NEMP2: variants seen among roughly 807,000 people sequenced by gnomAD.
NEMP2 encodes the protein UPF0571 transmembrane protein.
NEMP2 carries 53 observed loss-of-function variants against 54.2 expected under a neutral mutation model. The ratio of observed to expected loss-of-function variants is 0.98; its 90% confidence interval spans 0.78 to 1.23. The LOEUF (loss-of-function observed/expected upper bound fraction) is 1.23. NEMP2 is among the 50% of genes most tolerant of loss of function. The pLI is 0.00. For missense variants in NEMP2, 455 were observed against 511.3 expected, an observed-to-expected ratio of 0.89 and a Z score of 1.06; for synonymous variants, 197 against 190.3, an observed-to-expected ratio of 1.04 and a Z score of -0.29.
Position 190,514,324 on chromosome 2 carries a change from C to A in NEMP2, c.953+129G>T, listed in dbSNP as rs1222825792. 3 of 928,088 alleles carry A rather than the reference C, an allele frequency of 3.2e-6. No homozygotes were observed. The highest frequency in any genetic ancestry group is 3.3e-6 in the Non-Finnish European group (2 of 605,314). The allele number at this position is 928,088 out of a possible 1,614,324, so 57.5% of individuals were successfully genotyped here. On this transcript the variant is annotated intron_variant, in intron 7 of 8. Transcript: ENST00000409150. The surrounding 1 kb of genome is among the most constrained non-coding windows in gnomAD (Gnocchi z 5.7). The stretch of plus-strand genomic sequence containing the variant: ...AGCTCTCTACCCCTACACCCCCAAT[C>A]TTGCTCAGAATGAAATCTCCAGATC...
chr2:190,468,453 A>ATTT, the NEMP2 span, among the ~76,000 whole-genome samples: 18 of 140,030 alleles, frequency 1.3e-4, no homozygotes, highest in African/African-American at 1.8e-4. Flanking sequence ...ATAGGAATGA[A>ATTT]TTTTTTTTTT....
intron 4 of NEMP2, among the ~76,000 whole-genome samples, chr2:190,518,127 G>C (rs574450219): frequency 2.7e-4 from 41 of 152,186 alleles, no homozygotes; most frequent in Admixed American, 4.6e-4. Flanking sequence ...AATAGCTGAC[G>C]AGTGTTGGGT....
the NEMP2 span, chr2:190,436,051 AT>A: frequency 6.2e-7 from 1 of 1,613,024 alleles, no homozygotes; most frequent in Non-Finnish European, 8.5e-7. The surrounding 1 kb of genome is among the most constrained non-coding windows in gnomAD (Gnocchi z 5.3). Context: ...TAAAGTTGCT[AT>A]CTTAACGGAT....
At position 190,530,796 on chromosome 2, in the gene NEMP2, G is replaced by C. The variant is rs1386309651; in HGVS notation, c.97+3763C>G. Reference sequence around the variant, plus strand: ...GTCTGCGGGTTTCATTTATTCATGAGGCCCCAGTTATTGCTGGTTAATTCT... The same window carrying C: ...GTCTGCGGGTTTCATTTATTCATGACGCCCCAGTTATTGCTGGTTAATTCT... On this transcript the variant is annotated intron_variant, in intron 1 of 8. Transcript: ENST00000409150. This position sits in a 1 kb window ranked among gnomAD's most constrained non-coding sequence, Gnocchi z 4.6. Among the ~76,000 whole-genome samples, 1 of 152,160 alleles carries C rather than the reference G, an allele frequency of 6.6e-6. No homozygotes were observed. The highest frequency in any genetic ancestry group is 1.5e-5 in the Non-Finnish European group (1 of 68,028).
the NEMP2 span, among the ~76,000 whole-genome samples, chr2:190,446,332 C>T: frequency 6.8e-3 from 1,039 of 152,256 alleles, 11 homozygotes; most frequent in Middle Eastern, 0.024. Flanking sequence ...TCCAAGGCTG[C>T]ACAGTTTGGG....
At chr2:190,580,500 T>A in the NEMP2 span, among the ~76,000 whole-genome samples, 1 of 152,230 alleles carries the variant, frequency 6.6e-6, no homozygotes, top group Non-Finnish European at 1.5e-5. This position sits in a 1 kb window ranked among gnomAD's most constrained non-coding sequence, Gnocchi z 5.3. Flanking sequence ...CTCACACTTC[T>A]TAAAACATGA....
At chr2:190,431,055 A>C in the NEMP2 span, among the ~76,000 whole-genome samples, 1 of 132,660 alleles carries the variant, frequency 7.5e-6, no homozygotes, top group African/African-American at 2.9e-5. The surrounding 1 kb of genome is among the most constrained non-coding windows in gnomAD (Gnocchi z 4.4). Context: ...GGCGCTCCTC[A>C]CCTCCCAGAC....
At chr2:190,442,188 A>C in the NEMP2 span, among the ~76,000 whole-genome samples, 3 of 152,226 alleles carry the variant, frequency 2.0e-5, no homozygotes, top group African/African-American at 7.2e-5. Context: ...TAAATTTGGA[A>C]TTATGAATTC....
chr2:190,517,725 C>A, intron 4 of NEMP2, 112 bp from the exon 5 acceptor site: 1 of 748,102 alleles, frequency 1.3e-6, no homozygotes, highest in South Asian at 1.7e-5. Flanking sequence ...ACAGAAAACT[C>A]AGATGGCAGC....
chr2:190,546,742 A>G, the NEMP2 span, among the ~76,000 whole-genome samples: 1 of 152,110 alleles, frequency 6.6e-6, no homozygotes. This position sits in a 1 kb window ranked among gnomAD's most constrained non-coding sequence, Gnocchi z 5.1. Flanking sequence ...ATCTACCTGT[A>G]TTGTTGAGGT....
At chr2:190,577,706 C>T in the NEMP2 span, among the ~76,000 whole-genome samples, 1 of 151,996 alleles carries the variant, frequency 6.6e-6, no homozygotes, top group East Asian at 1.9e-4. This position sits in a 1 kb window ranked among gnomAD's most constrained non-coding sequence, Gnocchi z 4.8. Context: ...TGAAACCCCA[C>T]CTCTACTAAA....
chr2:190,481,466 G>A, the NEMP2 span, among the ~76,000 whole-genome samples: 41 of 152,224 alleles, frequency 2.7e-4, no homozygotes, highest in African/African-American at 9.6e-4. Flanking sequence ...GTAGACCACT[G>A]CCTACCCTGT....
the NEMP2 span, among the ~76,000 whole-genome samples, chr2:190,440,655 A>C: frequency 6.6e-6 from 1 of 152,196 alleles, no homozygotes; most frequent in Non-Finnish European, 1.5e-5. Context: ...ATTTGATTTA[A>C]ATTTATTTAC....
At chr2:190,473,453 C>G in the NEMP2 span, among the ~76,000 whole-genome samples, 3 of 152,178 alleles carry the variant, frequency 2.0e-5, no homozygotes, top group Middle Eastern at 3.4e-3. Flanking sequence ...TCTGATAAAA[C>G]AAACATCAGA....
the NEMP2 span, among the ~76,000 whole-genome samples, chr2:190,470,016 G>C: frequency 6.6e-6 from 1 of 152,180 alleles, no homozygotes; most frequent in Admixed American, 6.5e-5. Context: ...CAGGAGGGAT[G>C]GTTCCTTGGT....
the NEMP2 span, among the ~76,000 whole-genome samples, chr2:190,445,684 T>C: frequency 1.3e-5 from 2 of 152,166 alleles, no homozygotes; most frequent in African/African-American, 4.8e-5. Context: ...CATAAGGTCT[T>C]TTTCCTCTCC....
At chr2:190,436,744 G>A in the NEMP2 span, 3 of 1,614,166 alleles carry the variant, frequency 1.9e-6, no homozygotes, top group Middle Eastern at 1.6e-4. This position sits in a 1 kb window ranked among gnomAD's most constrained non-coding sequence, Gnocchi z 5.3. Flanking sequence ...CCGTATGATG[G>A]ACTTGACTTT....
the NEMP2 span, among the ~76,000 whole-genome samples, chr2:190,607,024 T>C: frequency 6.6e-6 from 1 of 152,074 alleles, no homozygotes; most frequent in African/African-American, 2.4e-5. This position sits in a 1 kb window ranked among gnomAD's most constrained non-coding sequence, Gnocchi z 5.2. Context: ...GTCCTCAGTA[T>C]AGGTGCTGAC....
the NEMP2 span, among the ~76,000 whole-genome samples, chr2:190,548,452 C>A: frequency 2.0e-5 from 3 of 152,206 alleles, no homozygotes; most frequent in African/African-American, 7.2e-5. Flanking sequence ...AACAGCTCAT[C>A]TAAACATACT....
Sources: allele counts gnomAD v4.1 joint callset (sites outside exome capture counted in the v4.1 genomes callset), GRCh38; gene constraint gnomAD v4.1.1; non-coding constraint Gnocchi (gnomAD v3.1); transcripts MANE v1.5; gene names NCBI Gene and HGNC (gene_info 2026-07-23, HGNC 2026-07-21).